Variants in SH3RF2 observed in about 807,000 individuals in gnomAD.
SH3RF2 encodes E3 ubiquitin-protein ligase SH3RF2.
A neutral mutation model predicts 59.0 loss-of-function variants in SH3RF2; 43 were observed. The ratio of observed to expected loss-of-function variants is 0.73; its 90% CI spans 0.57 to 0.94. SH3RF2 has a LOEUF of 0.94. SH3RF2 is among the 40% of genes least tolerant of loss of function. The probability of loss-of-function intolerance (pLI) is 0.00; values close to 1 mark genes in which losing one functional copy is unlikely to be tolerated. For synonymous variants in SH3RF2, 391 were observed against 391.5 expected (o/e 1.00, Z 0.01); for missense variants, 930 against 940.1 (o/e 0.99, Z 0.14).
chr5:145,977,815 C>T (rs1371349453), intron 2 of SH3RF2, among the ~76,000 whole-genome samples: 1 of 152,200 alleles, frequency 6.6e-6, no homozygotes, highest in Non-Finnish European at 1.5e-5. Flanking sequence ...ATTCTGACTG[C>T]CTTGTTCCCT....
At chr5:146,058,541 A>C (rs1236536688) in intron 8 of SH3RF2, among the ~76,000 whole-genome samples, 1 of 152,198 alleles carries the variant, frequency 6.6e-6, no homozygotes, top group African/African-American at 2.4e-5. Flanking sequence ...GCTTAATAAG[A>C]AGTCACGATG....
intron 5 of SH3RF2, among the ~76,000 whole-genome samples, chr5:146,020,740 T>C (rs925730501): frequency 1.3e-5 from 2 of 152,184 alleles, no homozygotes; most frequent in African/African-American, 4.8e-5. Context: ...TTCACTTATG[T>C]GCTCTTGAGT....
intron 2 of SH3RF2, among the ~76,000 whole-genome samples, 185 bp from the exon 3 acceptor site, chr5:145,999,873 T>C (rs1760327084): frequency 6.6e-6 from 1 of 152,268 alleles, no homozygotes; most frequent in Admixed American, 6.5e-5. Context: ...AGTGAGCACA[T>C]GGTGTTGGAA....
At chr5:146,041,047 T>C (rs6882211) in intron 5 of SH3RF2, among the ~76,000 whole-genome samples, 53,999 of 152,042 alleles carry the variant, frequency 0.36, 9,849 homozygotes, top group Non-Finnish European at 0.39. Flanking sequence ...GATCTGGACA[T>C]GTTAACCTTG....
In SH3RF2 at chr5:145,937,854, T is replaced by TCAA. The variant is rs527564093; in HGVS notation, c.-74_-73insAAC. 4.7e-4 allele frequency: 718 copies of TCAA among 1,525,406 alleles called. 4 individuals carry two copies. Among genetic ancestry groups the TCAA allele is most frequent in the African/African-American group, 4.3e-3 (314 of 72,360 alleles). The allele number at this position is 1,525,406 out of a possible 1,614,324, so 94.5% of individuals were successfully genotyped here. On this transcript the variant is annotated 5_prime_UTR_variant, in exon 2 of 10. Transcript: ENST00000359120. ...ATTCTGACGTTCTCAAGAGACCAGC[T>TCAA]CTGCCCCCGTGGCTCAACTGACCCT...
chr5:146,080,426 A>T (rs1231425709), exon 10 of SH3RF2: 1 of 152,134 alleles, frequency 6.6e-6, no homozygotes, highest in African/African-American at 2.4e-5. Flanking sequence ...ATGAGTTAAT[A>T]TGTATGTGAA....
chr5:146,010,908 C>T (rs1289781585), intron 4 of SH3RF2, among the ~76,000 whole-genome samples: 1 of 152,084 alleles, frequency 6.6e-6, no homozygotes, highest in Admixed American at 6.6e-5. Context: ...TCAATTTTGG[C>T]TTTTGTTGCC....
Position 145,938,008 on chromosome 5 carries a change from C to T in SH3RF2, c.80C>T (p.Pro27Leu). 6.2e-6 allele frequency: 10 copies of T among 1,614,196 alleles called. No individual in the cohort carries two copies. The highest frequency in any genetic ancestry group is 8.5e-6 in the Non-Finnish European group (10 of 1,180,014). ...CTCGATGTCACAGCCAAAGTCCTCC[C>T]TTGCCAGCACACCTTCTGCAAACCA... Reference protein sequence around the residue: ...EKLDVTAKVLPCQHTFCKPCL... With the variant: ...EKLDVTAKVLLCQHTFCKPCL... The change falls in exon 2 of 10, where the codon CCT (proline) becomes CTT (leucine). Residue 27 changes from proline (P) to leucine (L), a missense_variant. Pro to Leu is a moderately conservative substitution (Grantham distance 98, BLOSUM62 -3). Coordinates refer to ENST00000359120, the MANE Select transcript of SH3RF2 (RefSeq NM_152550.4).
chr5:146,061,957 T>C (rs1040555422), intron 9 of SH3RF2, among the ~76,000 whole-genome samples: 1 of 152,158 alleles, frequency 6.6e-6, no homozygotes. Flanking sequence ...GTTTGCAAAC[T>C]GTGCTCTAAG....
chr5:146,041,556 ACTT>A (rs1328034461), intron 5 of SH3RF2, among the ~76,000 whole-genome samples: 1 of 152,154 alleles, frequency 6.6e-6, no homozygotes, highest in Non-Finnish European at 1.5e-5. Flanking sequence ...TGAGCTTTTA[ACTT>A]TATAAAGTCA....
chr5:146,037,802 G>A (rs1053223763), intron 5 of SH3RF2, among the ~76,000 whole-genome samples: 1 of 152,150 alleles, frequency 6.6e-6, no homozygotes, highest in African/African-American at 2.4e-5. Context: ...CCAAAGAATG[G>A]AAGAAAACTT....
At chr5:146,044,840 C>A (rs1304607861) in intron 5 of SH3RF2, among the ~76,000 whole-genome samples, 1 of 152,122 alleles carries the variant, frequency 6.6e-6, no homozygotes, top group Non-Finnish European at 1.5e-5. Context: ...ACATCCTTTC[C>A]CATTCCCTAT....
rs4610511 is a variant in SH3RF2, at chr5:145,954,326, T to A, written c.378+16020T>A. 2.6e-5 allele frequency among the ~76,000 whole-genome samples: 4 copies of A among 152,262 alleles called. No homozygotes were observed. In the South Asian group the frequency reaches 6.2e-4, roughly 24 times the overall value. ...ATGATCAGCGATATTGAGCTTTTTT[T>A]ATATGCTTGTTGGATGCATTATGTC... is the stretch of plus-strand genomic sequence containing the variant. On this transcript the variant is annotated intron_variant, in intron 2 of 9. Transcript: ENST00000359120.
In SH3RF2 at chr5:145,993,424, T is replaced by A. The variant is rs1244199686; in HGVS notation, c.379-6634T>A. On this transcript the variant is annotated intron_variant, in intron 2 of 9. Coordinates refer to ENST00000359120, the MANE Select transcript of SH3RF2 (RefSeq NM_152550.4). The stretch of plus-strand genomic sequence containing the variant: ...GGGGGCTCTGACCTCACATTTTCCT[T>A]CTGCATTGCCCTAGCAGAGGTTCTC... Among the ~76,000 whole-genome samples, 3 of 152,318 alleles carry A rather than the reference T, an allele frequency of 2.0e-5. No individual in the cohort carries two copies. In the East Asian group the frequency reaches 5.8e-4, roughly 29 times the overall value.
At chr5:146,032,343 G>C (rs956629383) in intron 5 of SH3RF2, among the ~76,000 whole-genome samples, 14 of 152,140 alleles carry the variant, frequency 9.2e-5, no homozygotes, top group Non-Finnish European at 1.3e-4. Context: ...CAAGCCCCAT[G>C]GGTGATGACC....
chr5:146,052,427 T>A (rs1762533281), intron 7 of SH3RF2, among the ~76,000 whole-genome samples: 1 of 152,106 alleles, frequency 6.6e-6, no homozygotes, highest in Non-Finnish European at 1.5e-5. Context: ...ACAGATGGAG[T>A]TTCAGCACAA....
chr5:146,047,760 C>G lies in SH3RF2; in HGVS notation c.1060-12C>G. 1 of 1,613,752 alleles carries G rather than the reference C, an allele frequency of 6.2e-7. No individual in the cohort carries two copies. Among genetic ancestry groups the G allele is most frequent in the African/African-American group, 1.3e-5 (1 of 75,040 alleles). On this transcript the variant is annotated splice_polypyrimidine_tract_variant and intron_variant, in intron 5 of 9. Coordinates refer to ENST00000359120, the MANE Select transcript of SH3RF2 (RefSeq NM_152550.4). ...CATTGGTTCTGCTTGGCTGTCTTTT[C>G]TGTCTGTGCAGGTCAGCACTTATCA... is the stretch of plus-strand genomic sequence containing the variant.
At chr5:146,025,602 A>G (rs1238016018) in intron 5 of SH3RF2, among the ~76,000 whole-genome samples, 1 of 152,252 alleles carries the variant, frequency 6.6e-6, no homozygotes, top group Non-Finnish European at 1.5e-5. Context: ...GAAAAGGAAC[A>G]TAAATCAAAA....
At chr5:146,075,849 TG>T (rs1763332571) in intron 9 of SH3RF2, among the ~76,000 whole-genome samples, 1 of 147,418 alleles carries the variant, frequency 6.8e-6, no homozygotes. Flanking sequence ...GTTTTGGTGA[TG>T]TTTTTGTTTT....
Sources: allele counts gnomAD v4.1 joint callset (sites outside exome capture counted in the v4.1 genomes callset), GRCh38; gene constraint gnomAD v4.1.1; transcripts MANE v1.5; gene names NCBI Gene and HGNC (gene_info 2026-07-23, HGNC 2026-07-21).